The following NLRC5 variants were observed in gnomAD, a reference collection of about 807,000 sequenced individuals.
NLRC5 encodes NLR family CARD domain containing 5.
A neutral mutation model predicts 206.9 loss-of-function variants in NLRC5; 114 were observed. That is an observed-to-expected ratio of 0.55 (90% CI 0.47 to 0.64). NLRC5 has a LOEUF of 0.64. Ranked by LOEUF, NLRC5 falls within the 30% of genes least tolerant of loss-of-function variation. The pLI, the probability that NLRC5 is intolerant of heterozygous loss-of-function variation, is 0.00. For synonymous variants in NLRC5, 952 were observed against 962.8 expected (o/e 0.99, Z 0.21); for missense variants, 2,008 against 2,305.5 (o/e 0.87, Z 2.64).
At chr16:57,049,595 G>A (rs1289245945) in intron 23 of NLRC5, among the ~76,000 whole-genome samples, 1 of 152,026 alleles carries the variant, frequency 6.6e-6, no homozygotes, top group Non-Finnish European at 1.5e-5. Flanking sequence ...AATTAGCCAG[G>A]CATGGTGGTG....
chr16:57,031,268 TTA>T, intron 10 of NLRC5, 134 bp from the exon 11 acceptor site: 1 of 857,198 alleles, frequency 1.2e-6, no homozygotes, highest in Non-Finnish European at 1.9e-6. Context: ...GCTAGTTCCG[TTA>T]TGTTTCCCTG....
At chr16:57,058,662 C>T (rs2066009074) in intron 28 of NLRC5, among the ~76,000 whole-genome samples, 1 of 152,226 alleles carries the variant, frequency 6.6e-6, no homozygotes. Context: ...AACTGAGCTT[C>T]GTGCTCGGGA....
intron 1 of NLRC5, among the ~76,000 whole-genome samples, chr16:57,002,173 A>G (rs1328854416): frequency 1.3e-5 from 2 of 151,704 alleles, no homozygotes; most frequent in African/African-American, 4.8e-5. Context: ...TTCGAGATGG[A>G]CTCTTGCTCT....
At chr16:57,061,761 C>A in intron 32 of NLRC5, 60 bp downstream of exon 32, 1 of 1,573,766 alleles carries the variant, frequency 6.4e-7, no homozygotes, top group South Asian at 1.1e-5. Flanking sequence ...CAGGGGTGGG[C>A]ACTGGAGTAA....
chr16:57,015,858 G>T (rs2060009805), intron 1 of NLRC5, among the ~76,000 whole-genome samples: 1 of 144,824 alleles, frequency 6.9e-6, no homozygotes, highest in Non-Finnish European at 1.5e-5. Flanking sequence ...CCAGAAGGTG[G>T]AGGTTGTGGT....
At chr16:57,081,465 C>A in intron 47 of NLRC5, 62 bp from the exon 48 acceptor site, 1 of 1,504,982 alleles carries the variant, frequency 6.6e-7, no homozygotes, top group East Asian at 2.3e-5. Context: ...ACCTAGGAAA[C>A]TCTCACACCC....
At chr16:57,065,463 T>G (rs1349766951) in intron 33 of NLRC5, among the ~76,000 whole-genome samples, 165 bp downstream of exon 33, 1 of 152,156 alleles carries the variant, frequency 6.6e-6, no homozygotes, top group East Asian at 1.9e-4. Context: ...GGGCTACACA[T>G]TTGTTGGGAC....
At chr16:57,001,277 G>A (rs1478933033) in intron 1 of NLRC5, among the ~76,000 whole-genome samples, 2 of 152,200 alleles carry the variant, frequency 1.3e-5, no homozygotes, top group Non-Finnish European at 2.9e-5. Flanking sequence ...CTGTCCAAAT[G>A]TCTGTAGTCA....
intron 19 of NLRC5, among the ~76,000 whole-genome samples, chr16:57,043,181 A>G (rs2063501081): frequency 1.3e-5 from 2 of 152,042 alleles, no homozygotes; most frequent in South Asian, 4.1e-4. Flanking sequence ...TGTCCTGGGT[A>G]CCACCCCTCC....
chr16:57,014,480 A>G (rs1215122136), intron 1 of NLRC5, among the ~76,000 whole-genome samples: 1 of 152,232 alleles, frequency 6.6e-6, no homozygotes, highest in East Asian at 1.9e-4. Context: ...ATCTAATTCT[A>G]ACTTAAGATT....
chr16:57,041,228 G>GCT (rs772988342), intron 17 of NLRC5: 29 of 499,638 alleles, frequency 5.8e-5, no homozygotes, highest in Middle Eastern at 5.3e-4. Context: ...CCTCTGATCT[G>GCT]CTCTCTCTCT....
At chr16:57,061,942 GA>G in intron 32 of NLRC5, 3 of 1,496,342 alleles carry the variant, frequency 2.0e-6, no homozygotes, top group Middle Eastern at 1.8e-4. Flanking sequence ...AAGAAAGAAA[GA>G]AAGAAAGAAG....
intron 47 of NLRC5, 99 bp downstream of exon 47, chr16:57,081,280 C>A: frequency 1.6e-6 from 2 of 1,248,200 alleles, no homozygotes; most frequent in East Asian, 5.1e-5. Context: ...TCCCAGAAAG[C>A]CCTTCCTTGA....
intron 20 of NLRC5, chr16:57,043,918 A>G (rs1481717678): frequency 5.3e-6 from 2 of 376,120 alleles, no homozygotes; most frequent in Non-Finnish European, 9.9e-6. Flanking sequence ...TAATTATTAT[A>G]CTTTAAGTTC....
chr16:57,011,935 G>A (rs1195012745), intron 1 of NLRC5, among the ~76,000 whole-genome samples: 1 of 152,120 alleles, frequency 6.6e-6, no homozygotes, highest in African/African-American at 2.4e-5. Flanking sequence ...ATCCATTTTA[G>A]GTGTAGGATT....
At chr16:57,045,772 T>C (rs1335310105) in intron 21 of NLRC5, among the ~76,000 whole-genome samples, 4 of 152,200 alleles carry the variant, frequency 2.6e-5, no homozygotes, top group Non-Finnish European at 5.9e-5. Flanking sequence ...TGCCCGCAGA[T>C]TGCTGCTGTG....
intron 1 of NLRC5, among the ~76,000 whole-genome samples, chr16:57,011,471 C>G (rs1472741862): frequency 6.6e-6 from 1 of 151,954 alleles, no homozygotes; most frequent in Non-Finnish European, 1.5e-5. Flanking sequence ...CCTGTAATCC[C>G]AGCACTTACG....
At position 57,061,711 on chromosome 16, in the gene NLRC5, C is replaced by G; in HGVS notation, c.4154+10C>G. ...GGCTGTTCAGCCTCAGGTACCTCCTCCCCCGCTGCCTCCGGGAGGGGCCAT... is the reference window on the plus strand; with the variant it reads ...GGCTGTTCAGCCTCAGGTACCTCCTGCCCCGCTGCCTCCGGGAGGGGCCAT... On this transcript the variant is annotated intron_variant, in intron 32 of 48. Coordinates refer to ENST00000688547, the MANE Select transcript of NLRC5 (RefSeq NM_001384950.1). 1.9e-6 allele frequency: 3 copies of G among 1,597,292 alleles called. No individual in the cohort carries two copies. The highest frequency in any genetic ancestry group is 2.6e-6 in the Non-Finnish European group (3 of 1,174,384).
chr16:56,992,377 T>C (rs941460724), intron 1 of NLRC5: 26 of 152,344 alleles, frequency 1.7e-4, no homozygotes, highest in African/African-American at 6.3e-4. Context: ...GGCAAGCTAA[T>C]GCAAGTCCAA....
Sources: allele counts gnomAD v4.1 joint callset (sites outside exome capture counted in the v4.1 genomes callset), GRCh38; gene constraint gnomAD v4.1.1; transcripts MANE v1.5; gene names NCBI Gene and HGNC (gene_info 2026-07-23, HGNC 2026-07-21).